Variants in LUZP1 observed in about 807,000 individuals in gnomAD.
The protein encoded by LUZP1 is filamin mechanobinding actin cross-linking protein.
A neutral mutation model predicts 71.3 loss-of-function variants in LUZP1; 25 were observed. The ratio of observed to expected loss-of-function variants is 0.35; its 90% confidence interval spans 0.26 to 0.49. LUZP1 has a LOEUF of 0.49. Among genes scored for constraint, LUZP1 ranks in the 20% least tolerant of loss-of-function variants. LUZP1 has a pLI of 0.99. For synonymous variants in LUZP1, 481 were observed against 506.4 expected (o/e 0.95, Z 0.67); for missense variants, 1,142 against 1,300.8 (o/e 0.88, Z 1.88).
chr1:23,091,414 T>C (rs1643851097), exon 4 of LUZP1: 1 of 1,614,146 alleles, frequency 6.2e-7, no homozygotes, highest in East Asian at 2.2e-5. Flanking sequence ...GTGTAGGCAT[T>C]GCTATTGGTA....
chr1:23,104,762 G>A (rs1643966993), intron 3 of LUZP1, among the ~76,000 whole-genome samples: 1 of 152,054 alleles, frequency 6.6e-6, no homozygotes, highest in African/African-American at 2.4e-5. Context: ...TTCTGTACTG[G>A]CCAAATTTAC....
rs747472636 is a variant in LUZP1, at chr1:23,093,102, T to C, written c.1160A>G (p.Lys387Arg). Residue 387 changes from lysine (K) to arginine (R), a missense_variant, in exon 4 of 5, where the codon AAG becomes AGG. Transcript: ENST00000302291. The surrounding 1 kb of genome is among the most constrained non-coding windows in gnomAD (Gnocchi z 4.2). ...AGGAGACAGTTCCCGCGCTGTGTGCTTGGACACAGAAGCTTCACTTCCGTG... is the reference window on the plus strand; with the variant it reads ...AGGAGACAGTTCCCGCGCTGTGTGCCTGGACACAGAAGCTTCACTTCCGTG... 1.2e-6 allele frequency: 2 copies of C among 1,614,166 alleles called. No homozygotes were observed. The highest frequency in any genetic ancestry group is 3.3e-5 in the Admixed American group (2 of 60,018).
chr1:23,168,332 GC>G (rs1644527535), intron 2 of LUZP1, among the ~76,000 whole-genome samples: 1 of 83,044 alleles, frequency 1.2e-5, no homozygotes, highest in South Asian at 3.7e-4. Flanking sequence ...CCGCCTCGTC[GC>G]CCCCCGCCCC....
chr1:23,166,468 A>G (rs1294469586), intron 2 of LUZP1, among the ~76,000 whole-genome samples: 5 of 152,036 alleles, frequency 3.3e-5, no homozygotes, highest in Non-Finnish European at 7.4e-5. Flanking sequence ...CAACCCGGCC[A>G]ACATGGTGAA....
exon 5 of LUZP1, chr1:23,088,695 G>T (rs1340149443): frequency 1.0e-5 from 6 of 597,016 alleles, no homozygotes; most frequent in Non-Finnish European, 1.7e-5. Context: ...GGTTGGGCCT[G>T]GGTGACTGTC....
intron 2 of LUZP1, among the ~76,000 whole-genome samples, chr1:23,138,641 TTATGG>T (rs1453904148): frequency 1.3e-5 from 2 of 150,704 alleles, no homozygotes; most frequent in Non-Finnish European, 2.9e-5. Flanking sequence ...AAAATGATTT[TTATGG>T]TATATGGATT....
chr1:23,107,859 CCTTCGAGAAGAGTTCTGTATTATCCCT>C (rs1349951416), intron 3 of LUZP1, among the ~76,000 whole-genome samples: 1 of 152,196 alleles, frequency 6.6e-6, no homozygotes. Context: ...TTTTTCCACT[CCTTCGAGAAGAGTTCTGTATTATCCCT>C]AACTACACCT....
chr1:23,148,027 A>AC lies in LUZP1; in HGVS notation c.-226+20738_-226+20739insG, dbSNP rs138590167. Among the ~76,000 whole-genome samples the AC allele has an allele frequency of 5.0e-3, 764 of 152,324 alleles. 15 individuals are homozygous for AC. In the East Asian group the frequency reaches 0.053, roughly 11 times the overall value. The stretch of plus-strand genomic sequence containing the variant: ...CTTAATATAAACTGCCACATTTCTA[A>AC]TTACATGAGAGTCACTCTGTATGGC... On this transcript the variant is annotated intron_variant, in intron 2 of 4. Transcript: ENST00000302291.
At position 23,093,874 on chromosome 1, in the gene LUZP1, T is replaced by C. The variant is rs1643878314; in HGVS notation, c.388A>G (p.Ser130Gly). 1 of 1,614,024 alleles carries C rather than the reference T, an allele frequency of 6.2e-7. No homozygotes were observed. Among genetic ancestry groups the C allele is most frequent in the Middle Eastern group, 1.6e-4 (1 of 6,084 alleles). Residue 130 changes from serine (S) to glycine (G), a missense_variant, in exon 4 of 5, where the codon AGT (serine) becomes GGT (glycine). Physicochemically the swap from Ser to Gly is moderately conservative, Grantham distance 56 (BLOSUM62 0). Coordinates refer to ENST00000302291, the Ensembl canonical transcript of LUZP1. The surrounding 1 kb of genome is among the most constrained non-coding windows in gnomAD (Gnocchi z 4.2). ...CACAGCTGGGTACAGTCATTCTTACTCCTGCTGAAGGCCTCTTCTAGCTTC... is the reference window on the plus strand; with the variant it reads ...CACAGCTGGGTACAGTCATTCTTACCCCTGCTGAAGGCCTCTTCTAGCTTC...
At chr1:23,145,444 CTA>C (rs1253135635) in intron 2 of LUZP1, among the ~76,000 whole-genome samples, 1 of 150,960 alleles carries the variant, frequency 6.6e-6, no homozygotes, top group Non-Finnish European at 1.5e-5. Flanking sequence ...CACAACAACC[CTA>C]TGAGGCAGAT....
chr1:23,147,395 C>A, intron 2 of LUZP1, among the ~76,000 whole-genome samples: 1 of 149,608 alleles, frequency 6.7e-6, no homozygotes, highest in Admixed American at 6.7e-5. Flanking sequence ...GAGCCGAGAT[C>A]GCACCACTGC....
intron 2 of LUZP1, among the ~76,000 whole-genome samples, chr1:23,117,288 T>C (rs2124655741): frequency 6.6e-6 from 1 of 152,286 alleles, no homozygotes; most frequent in East Asian, 1.9e-4. Flanking sequence ...CAACCTCAGT[T>C]TCCACAACTG....
In LUZP1 at chr1:23,093,130, C is replaced by T; in HGVS notation, c.1132G>A (p.Gly378Ser). The stretch of plus-strand genomic sequence containing the variant: ...GACACAGAAGCTTCACTTCCGTGGC[C>T]TCTAAACTTAGTCCTCTCATGTCTG... The change falls in exon 4 of 5, where the codon GGC (glycine) becomes AGC (serine). Residue 378 changes from glycine to serine, a missense_variant. Physicochemically the swap from Gly to Ser is moderately conservative, Grantham distance 56. Coordinates refer to ENST00000302291, the Ensembl canonical transcript of LUZP1. The surrounding 1 kb of genome is among the most constrained non-coding windows in gnomAD (Gnocchi z 4.2). 1 of 1,614,108 alleles carries T rather than the reference C, an allele frequency of 6.2e-7. No homozygotes were observed. Among genetic ancestry groups the T allele is most frequent in the Non-Finnish European group, 8.5e-7 (1 of 1,180,006 alleles).
intron 2 of LUZP1, among the ~76,000 whole-genome samples, chr1:23,142,034 C>G (rs56290640): frequency 0.066 from 9,979 of 151,822 alleles, 1,075 homozygotes; most frequent in African/African-American, 0.23. Context: ...TTAGTAGAGA[C>G]AGGGTTTCTC....
intron 3 of LUZP1, among the ~76,000 whole-genome samples, chr1:23,097,173 C>T (rs2124608672): frequency 6.6e-6 from 1 of 152,214 alleles, no homozygotes; most frequent in South Asian, 2.1e-4. Flanking sequence ...GGTGCTGATC[C>T]CTAATACTAT....
chr1:23,101,740 G>A (rs1643932986), intron 3 of LUZP1, among the ~76,000 whole-genome samples: 1 of 152,164 alleles, frequency 6.6e-6, no homozygotes, highest in Admixed American at 6.5e-5. Context: ...GCCAGGATAA[G>A]AAATGCTTTG....
chr1:23,176,029 G>A (rs1644579957), intron 1 of LUZP1, among the ~76,000 whole-genome samples: 1 of 145,966 alleles, frequency 6.9e-6, no homozygotes, highest in African/African-American at 2.6e-5. Flanking sequence ...TCTCTTATCT[G>A]TCTTTTATTT....
At chr1:23,141,715 T>C (rs4083642) in intron 2 of LUZP1, among the ~76,000 whole-genome samples, 6,305 of 152,182 alleles carry the variant, frequency 0.041, 436 homozygotes, top group African/African-American at 0.14. Flanking sequence ...AGGGTCCCAA[T>C]GTCCCCCAGG....
chr1:23,161,520 G>A (rs534412516), intron 2 of LUZP1, among the ~76,000 whole-genome samples: 5 of 152,254 alleles, frequency 3.3e-5, no homozygotes, highest in Admixed American at 3.3e-4. Flanking sequence ...AGCTACTCTG[G>A]AGGCCAAAGG....
Sources: gnomAD v4.1 joint callset for allele counts (sites outside exome capture counted in the v4.1 genomes callset) on GRCh38, gnomAD v4.1.1 for gene constraint, Gnocchi (gnomAD v3.1) non-coding constraint, MANE v1.5 for transcripts, NCBI Gene and HGNC (gene_info 2026-07-23, HGNC 2026-07-21) for gene names.